The following REXO1 variants were observed in gnomAD, a reference collection of about 807,000 sequenced individuals.
REXO1 encodes RNA exonuclease 1 homolog.
In REXO1, 42 loss-of-function variants were observed where a neutral mutation model predicts 102.6. The ratio of observed to expected loss-of-function variants is 0.41; its 90% CI spans 0.32 to 0.53. The LOEUF is 0.53. REXO1 is among the 20% of genes least tolerant of loss of function. REXO1 has a pLI of 0.27. For missense variants in REXO1, 1,819 were observed against 1,732.5 expected, an observed-to-expected ratio of 1.05 and a Z score of -0.89; for synonymous variants, 908 against 779.1, an observed-to-expected ratio of 1.17 and a Z score of -2.76.
At position 1,818,534 on chromosome 19, in the gene REXO1, G is replaced by A. The variant is rs2145235105; in HGVS notation, c.2964C>T (p.Cys988=). 1.9e-6 allele frequency: 3 copies of A among 1,612,072 alleles called. No individual in the cohort carries two copies. Among genetic ancestry groups the A allele is most frequent in the Non-Finnish European group, 2.5e-6 (3 of 1,179,712 alleles). The change falls in exon 10 of 16, where the codon TGC becomes TGT. Residue 988 remains cysteine (C), a synonymous_variant. Transcript: ENST00000170168. ...GGTAATAACACTCCTCGTCCCGGATGCAGCGGCCTGAAGAGGACACGAGGT... is the reference window on the plus strand; with the variant it reads ...GGTAATAACACTCCTCGTCCCGGATACAGCGGCCTGAAGAGGACACGAGGT... ...TEYLVSSSGR[C]IRDEECYYHW... is the part of the protein sequence containing the mutation.
Position 1,815,431 on chromosome 19 carries a change from T to G in REXO1, c.*635A>C. 1 of 171,808 alleles carries G rather than the reference T, an allele frequency of 5.8e-6. No homozygotes were observed. The highest frequency in any genetic ancestry group is 1.2e-5 in the Non-Finnish European group (1 of 80,070). 10.6% of individuals were successfully genotyped at this position (171,808 alleles called of 1,614,324 possible). A position where few individuals can be genotyped will look rare whatever the true frequency, so the allele number is the denominator to read the frequency against. ...AGCTGGGTTCTCAGAGGTCACGGAG[T>G]GCAGGGGTGGGGCGGCGAGTGGTGG... On this transcript the variant is annotated 3_prime_UTR_variant, in exon 16 of 16. Coordinates refer to ENST00000170168, the MANE Select transcript of REXO1 (RefSeq NM_020695.4). This position sits in a 1 kb window ranked among gnomAD's most constrained non-coding sequence, Gnocchi z 4.0.
intron 1 of REXO1, among the ~76,000 whole-genome samples, chr19:1,832,912 C>T (rs1179285574): frequency 1.0e-5 from 1 of 98,044 alleles, no homozygotes; most frequent in East Asian, 3.1e-4. Context: ...AAGACTCTGT[C>T]TCAAAAAAAA....
intron 1 of REXO1, among the ~76,000 whole-genome samples, chr19:1,841,971 G>A (rs531303232): frequency 4.3e-4 from 66 of 152,154 alleles, no homozygotes; most frequent in Non-Finnish European, 7.9e-4. Flanking sequence ...AGCACTTTGG[G>A]AGGCTGAGGC....
intron 3 of REXO1, 98 bp downstream of exon 3, chr19:1,825,741 G>A: frequency 1.2e-6 from 1 of 823,990 alleles, no homozygotes; most frequent in South Asian, 1.6e-5. Flanking sequence ...CTCCCAAAGT[G>A]CTGGGATTAC....
chr19:1,822,394 T>C (rs1054565210), intron 4 of REXO1: 1 of 152,762 alleles, frequency 6.5e-6, no homozygotes, highest in Non-Finnish European at 1.5e-5. Flanking sequence ...ACGCGCCTCT[T>C]GCAGTGGAGG....
In REXO1 at chr19:1,827,146, G is replaced by A. The variant is rs893635945; in HGVS notation, c.1643C>T (p.Ser548Leu). ...GGAGTCTGAGTCGGAGTCTGAGTCC[G>A]AGCTGAGGCTGGGGAGGGCAGAGGG... is the stretch of plus-strand genomic sequence containing the variant. ...VWPSALPSLS[S>L]DSDSDSDSSL... The change falls in exon 2 of 16, where the codon TCG becomes TTG. Residue 548 changes from serine to leucine, a missense_variant. Ser to Leu is a moderately radical substitution (Grantham distance 145, BLOSUM62 -2). Coordinates refer to ENST00000170168, the MANE Select transcript of REXO1 (RefSeq NM_020695.4). 1.5e-5 allele frequency: 23 copies of A among 1,542,170 alleles called. No homozygotes were observed. The Admixed American group carries it at 2.0e-4, about 13-fold the overall frequency.
At position 1,815,729 on chromosome 19, in the gene REXO1, G is replaced by T; in HGVS notation, c.*337C>A. 7.2e-7 allele frequency: 1 copy of T among 1,396,824 alleles called. No homozygotes were observed. Among genetic ancestry groups the T allele is most frequent in the Non-Finnish European group, 9.3e-7 (1 of 1,072,410 alleles). The allele number at this position is 1,396,824 out of a possible 1,614,324, so 86.5% of individuals were successfully genotyped here. The stretch of plus-strand genomic sequence containing the variant: ...CCCCGCGACCCACGTGAGGAGCAGA[G>T]GTGCCGGCCACCACCCGGGAGGGAG... On this transcript the variant is annotated 3_prime_UTR_variant, in exon 16 of 16. Coordinates refer to ENST00000170168, the MANE Select transcript of REXO1 (RefSeq NM_020695.4). This position sits in a 1 kb window ranked among gnomAD's most constrained non-coding sequence, Gnocchi z 4.0.
chr19:1,824,173 C>G (rs895564405), intron 3 of REXO1: 7 of 185,004 alleles, frequency 3.8e-5, no homozygotes, highest in Non-Finnish European at 6.7e-5. Flanking sequence ...GACCCCGGAG[C>G]CAGGCTCTCT....
intron 8 of REXO1, 71 bp downstream of exon 8, chr19:1,818,947 G>A: frequency 1.3e-6 from 2 of 1,572,328 alleles, no homozygotes; most frequent in Admixed American, 1.8e-5. Context: ...GAAGCACCGT[G>A]TGGCACAGCA....
chr19:1,825,609 G>C (rs983660840), intron 3 of REXO1, among the ~76,000 whole-genome samples: 1 of 151,822 alleles, frequency 6.6e-6, no homozygotes, highest in African/African-American at 2.4e-5. Flanking sequence ...TCTAGTAGCT[G>C]GTATTACAGG....
intron 1 of REXO1, among the ~76,000 whole-genome samples, chr19:1,841,240 G>C (rs528672508): frequency 6.6e-6 from 1 of 152,140 alleles, no homozygotes; most frequent in Non-Finnish European, 1.5e-5. Flanking sequence ...TTTGCTTTTT[G>C]TTCTGCAGCA....
chr19:1,843,325 G>T (rs147061269), intron 1 of REXO1, among the ~76,000 whole-genome samples: 1 of 152,020 alleles, frequency 6.6e-6, no homozygotes, highest in Non-Finnish European at 1.5e-5. Context: ...CCCCCCGCCC[G>T]GAGGGTCCCA....
Position 1,826,134 on chromosome 19 carries a change from G to A in REXO1, c.1912-191C>T, listed in dbSNP as rs957498274. The stretch of plus-strand genomic sequence containing the variant: ...TCGGAGGGGTGGGCAGGTGTCACAC[G>A]TTCTGCAGATGCCCAAGGCTACCTC... On this transcript the variant is annotated intron_variant, in intron 2 of 15. Transcript: ENST00000170168. The surrounding 1 kb of genome is among the most constrained non-coding windows in gnomAD (Gnocchi z 4.3). Among the ~76,000 whole-genome samples, 2 of 152,130 alleles carry A rather than the reference G, an allele frequency of 1.3e-5. No homozygotes were observed. The highest frequency in any genetic ancestry group is 6.5e-5 in the Admixed American group (1 of 15,274).
intron 1 of REXO1, among the ~76,000 whole-genome samples, chr19:1,840,332 G>A (rs998435660): frequency 6.6e-6 from 1 of 152,156 alleles, no homozygotes; most frequent in African/African-American, 2.4e-5. Flanking sequence ...GCAGCACACC[G>A]ACTCTCCAGA....
chr19:1,842,162 G>A (rs2011313621), intron 1 of REXO1, among the ~76,000 whole-genome samples: 1 of 149,418 alleles, frequency 6.7e-6, no homozygotes, highest in Non-Finnish European at 1.5e-5. Context: ...AGGAAGCTAA[G>A]ATGGAGCCAC....
intron 1 of REXO1, among the ~76,000 whole-genome samples, chr19:1,837,976 G>C (rs772737054): frequency 6.6e-6 from 1 of 152,212 alleles, no homozygotes; most frequent in Non-Finnish European, 1.5e-5. Context: ...TAGGGGACAG[G>C]GACGGTAACC....
At chr19:1,846,004 C>T (rs949135483) in intron 1 of REXO1, among the ~76,000 whole-genome samples, 1 of 152,226 alleles carries the variant, frequency 6.6e-6, no homozygotes, top group Admixed American at 6.5e-5. Context: ...CACCATGCAG[C>T]GCGTGTCCAG....
At chr19:1,823,443 G>A (rs2069609590) in intron 4 of REXO1, 129 bp downstream of exon 4, 2 of 589,170 alleles carry the variant, frequency 3.4e-6, no homozygotes, top group South Asian at 7.9e-5. Context: ...GGGCCCCAGG[G>A]AGGGGGCCCA....
rs1423415627 is a variant in REXO1, at chr19:1,818,784, T to C, written c.2824A>G (p.Asn942Asp). The C allele has an allele frequency of 1.2e-6, 2 of 1,609,910 alleles. No individual in the cohort carries two copies. Among genetic ancestry groups the C allele is most frequent in the South Asian group, 1.1e-5 (1 of 91,044 alleles). Reference sequence around the variant, plus strand: ...TCTGGGTGCGGGAAGGGGTAGCCGTTCTCCTTGAGCTGGTCCTGGGTGAGC... The same window carrying C: ...TCTGGGTGCGGGAAGGGGTAGCCGTCCTCCTTGAGCTGGTCCTGGGTGAGC... ...YLLTQDQLKENGYPFPHPERP... is the reference protein window; with the variant it reads ...YLLTQDQLKEDGYPFPHPERP... The change falls in exon 9 of 16, where the codon AAC becomes GAC. Residue 942 changes from asparagine to aspartate, a missense_variant. Physicochemically the swap from Asn to Asp is conservative, Grantham distance 23 (BLOSUM62 1). Coordinates refer to ENST00000170168, the MANE Select transcript of REXO1 (RefSeq NM_020695.4).
Sources: allele counts gnomAD v4.1 joint callset (sites outside exome capture counted in the v4.1 genomes callset), GRCh38; gene constraint gnomAD v4.1.1; non-coding constraint Gnocchi (gnomAD v3.1); transcripts MANE v1.5; gene names NCBI Gene and HGNC (gene_info 2026-07-23, HGNC 2026-07-21).